The following IL4R variants were observed in gnomAD, a reference collection of about 807,000 sequenced individuals.
The protein encoded by IL4R is interleukin 4 receptor.
In IL4R, 17 loss-of-function variants were observed where a neutral mutation model predicts 41.5. The observed-to-expected ratio is 0.41, with a 90% confidence interval of 0.28 to 0.61. The LOEUF is 0.61. Ranked by LOEUF, IL4R falls within the 20% of genes least tolerant of loss-of-function variation. IL4R has a pLI of 0.31. For synonymous variants in IL4R, 402 were observed against 422.9 expected, an observed-to-expected ratio of 0.95 and a Z score of 0.61; for missense variants, 974 against 1,043.1, an observed-to-expected ratio of 0.93 and a Z score of 0.91.
chr16:27,346,993 C>G (rs775861582), intron 6 of IL4R, among the ~76,000 whole-genome samples: 1 of 152,182 alleles, frequency 6.6e-6, no homozygotes, highest in Admixed American at 6.5e-5. Context: ...GACAGTGACC[C>G]GTGTCAGTTC....
chr16:27,348,384 A>C (rs1045376929), intron 6 of IL4R, among the ~76,000 whole-genome samples: 2 of 152,220 alleles, frequency 1.3e-5, no homozygotes, highest in African/African-American at 4.8e-5. Flanking sequence ...GCTGGGGGGA[A>C]GAGAAAGGTA....
intron 10 of IL4R, 40 bp from the exon 11 acceptor site, chr16:27,362,212 A>G (rs749160645): frequency 1.3e-5 from 20 of 1,592,320 alleles, no homozygotes; most frequent in Non-Finnish European, 1.1e-5. Context: ...GAGTTTTTCA[A>G]GTGTCGAAAC....
intron 1 of IL4R, among the ~76,000 whole-genome samples, chr16:27,327,581 C>T (rs1479965447): frequency 1.3e-5 from 2 of 152,000 alleles, no homozygotes; most frequent in Non-Finnish European, 2.9e-5. Flanking sequence ...GGTCTCAGGC[C>T]AATGGGTCTC....
rs1280671113 is a variant in IL4R, at chr16:27,352,596, C to T, written c.570C>T (p.Thr190=). 1.9e-6 allele frequency: 3 copies of T among 1,614,162 alleles called. No homozygotes were observed. The highest frequency in any genetic ancestry group is 2.5e-6 in the Non-Finnish European group (3 of 1,180,016). ...LEPSLRIAAS[T]LKSGISYRAR... Reference sequence around the variant, plus strand: ...CCTCCCTCCGCATCGCAGCCAGCACCCTGAAGTCTGGGATTTCCTACAGGG... The same window carrying T: ...CCTCCCTCCGCATCGCAGCCAGCACTCTGAAGTCTGGGATTTCCTACAGGG... The change falls in exon 7 of 11, where the codon ACC becomes ACT. Residue 190 remains threonine (T), a synonymous_variant. Coordinates refer to ENST00000395762, the MANE Select transcript of IL4R (RefSeq NM_000418.4).
chr16:27,338,697 C>T (rs995041974), intron 2 of IL4R, among the ~76,000 whole-genome samples: 6 of 151,956 alleles, frequency 3.9e-5, no homozygotes, highest in South Asian at 2.1e-4. Context: ...CCCTCATGAA[C>T]GGGCTGAAGG....
At chr16:27,333,197 CTCTT>C (rs1029129779) in intron 2 of IL4R, among the ~76,000 whole-genome samples, 3 of 148,690 alleles carry the variant, frequency 2.0e-5, no homozygotes, top group African/African-American at 5.1e-5. Context: ...CCTCGGGTGA[CTCTT>C]TTTTTTTTTT....
intron 6 of IL4R, among the ~76,000 whole-genome samples, chr16:27,347,049 C>A (rs529003698): frequency 9.2e-5 from 14 of 152,332 alleles, no homozygotes; most frequent in Admixed American, 3.3e-4. Context: ...ATACAGCTGA[C>A]TCGTTTACTA....
At chr16:27,349,264 A>G (rs1490438342) in intron 6 of IL4R, among the ~76,000 whole-genome samples, 1 of 152,246 alleles carries the variant, frequency 6.6e-6, no homozygotes, top group Non-Finnish European at 1.5e-5. Flanking sequence ...ACCCGATGGC[A>G]TAAAAGCTGG....
intron 1 of IL4R, among the ~76,000 whole-genome samples, chr16:27,325,562 A>T (rs959084084): frequency 1.3e-5 from 2 of 151,234 alleles, no homozygotes; most frequent in Non-Finnish European, 1.5e-5. Context: ...CTACACAGTG[A>T]GACTCTGTCT....
At chr16:27,313,876 G>A (rs2141034182), upstream of IL4R, 1 of 978,100 alleles carries the variant, frequency 1.0e-6, no homozygotes, top group Non-Finnish European at 1.2e-6. Context: ...TCTGCCGGGC[G>A]CCGGGGCGGG....
At chr16:27,338,256 G>A (rs755945472) in intron 2 of IL4R, among the ~76,000 whole-genome samples, 1 of 150,942 alleles carries the variant, frequency 6.6e-6, no homozygotes, top group East Asian at 1.9e-4. Context: ...TTTTATGACA[G>A]GGTCTTGCTG....
intron 8 of IL4R, among the ~76,000 whole-genome samples, 171 bp from the exon 9 acceptor site, chr16:27,358,745 A>G (rs1489719742): frequency 2.0e-5 from 3 of 152,150 alleles, no homozygotes; most frequent in Admixed American, 2.0e-4. Flanking sequence ...AGGGTTAGCA[A>G]TAGAATCCAT....
At chr16:27,326,838 G>A (rs544325147) in intron 1 of IL4R, among the ~76,000 whole-genome samples, 32 of 152,244 alleles carry the variant, frequency 2.1e-4, no homozygotes, top group African/African-American at 7.5e-4. Context: ...GCTGGGCTGG[G>A]GACGGAGCCA....
Position 27,364,026 on chromosome 16 carries a change from T to C in IL4R, c.*196T>C, listed in dbSNP as rs942587808. 7.9e-6 allele frequency: 5 copies of C among 631,202 alleles called. No homozygotes were observed. The highest frequency in any genetic ancestry group is 7.4e-5 in the African/African-American group (4 of 54,328). 39.1% of individuals were successfully genotyped at this position (631,202 alleles called of 1,614,324 possible). ...GACTGGACCCCGCCCAGCATTGGGC[T>C]GGGCTCGCCACATCCCATGAGAGTA... On this transcript the variant is annotated 3_prime_UTR_variant, in exon 11 of 11. Coordinates refer to ENST00000395762, the MANE Select transcript of IL4R (RefSeq NM_000418.4).
chr16:27,354,606 G>A (rs1293407439), intron 7 of IL4R, among the ~76,000 whole-genome samples: 1 of 152,214 alleles, frequency 6.6e-6, no homozygotes, highest in African/African-American at 2.4e-5. Context: ...CAAGCCTTAG[G>A]GTGGGCATGG....
At position 27,362,285 on chromosome 16, in the gene IL4R, CT is replaced by C. The variant is rs765131298; in HGVS notation, c.934del (p.Cys312ValfsTer7). The C allele has an allele frequency of 6.2e-7, 1 of 1,614,150 alleles. No homozygotes were observed. On this transcript the variant is annotated frameshift_variant, in exon 11 of 11. Coordinates refer to ENST00000395762, the MANE Select transcript of IL4R (RefSeq NM_000418.4). LOFTEE classifies it low-confidence loss of function (END_TRUNC). Reference sequence around the variant, plus strand: ...AGAATTGTCTTACCAAGCTCTTGCCCTGTTTTCTGGAGCACAACATGAAAAG... The same window carrying C: ...AGAATTGTCTTACCAAGCTCTTGCCCGTTTTCTGGAGCACAACATGAAAAG... The part of the protein sequence containing the change: ...WKNCLTKLLP[C>X]FLEHNMKRDE...
At position 27,346,592 on chromosome 16, in the gene IL4R, A is replaced by G. The variant is rs1375064476; in HGVS notation, c.487A>G (p.Ile163Val). 2 of 1,612,546 alleles carry G rather than the reference A, an allele frequency of 1.2e-6. No individual in the cohort carries two copies. Among genetic ancestry groups the G allele is most frequent in the East Asian group, 2.2e-5 (1 of 44,678 alleles). ...LYNHLTYAVN[I>V]WSENDPADFR... ...TAATCATCTCACCTATGCAGTCAAC[A>G]TTTGGAGTGAAAACGACCCGGCAGA... The change falls in exon 6 of 11, where the codon ATT becomes GTT. Residue 163 changes from isoleucine to valine, a missense_variant. Ile to Val is a conservative substitution (Grantham distance 29, BLOSUM62 3). This residue lies in a region of IL4R where 284 missense variants were observed against 313.4 expected (regional missense o/e 0.91). Transcript: ENST00000395762.
In IL4R at chr16:27,363,023, T is replaced by G; in HGVS notation, c.1671T>G (p.Asn557Lys). The change falls in exon 11 of 11, where the codon AAT becomes AAG. Residue 557 changes from asparagine (N) to lysine (K), a missense_variant. Coordinates refer to ENST00000395762, the MANE Select transcript of IL4R (RefSeq NM_000418.4). Reference sequence around the variant, plus strand: ...CCTGGGAGCAGATCCTCCGCCGAAATGTCCTCCAGCATGGGGCAGCTGCAG... The same window carrying G: ...CCTGGGAGCAGATCCTCCGCCGAAAGGTCCTCCAGCATGGGGCAGCTGCAG... Reference protein sequence around the residue: ...PETWEQILRRNVLQHGAAAAP... With the variant: ...PETWEQILRRKVLQHGAAAAP... The G allele has an allele frequency of 6.2e-7, 1 of 1,614,116 alleles. No homozygotes were observed. Among genetic ancestry groups the G allele is most frequent in the Non-Finnish European group, 8.5e-7 (1 of 1,180,016 alleles).
At chr16:27,349,659 C>T (rs759893365) in intron 6 of IL4R, among the ~76,000 whole-genome samples, 1 of 152,212 alleles carries the variant, frequency 6.6e-6, no homozygotes, top group Non-Finnish European at 1.5e-5. Context: ...TGAATGCCTG[C>T]CTCATAATGG....
Sources: allele counts gnomAD v4.1 joint callset (sites outside exome capture counted in the v4.1 genomes callset), GRCh38; gene constraint gnomAD v4.1.1; regional missense constraint gnomAD v4.1.1; transcripts MANE v1.5; gene names NCBI Gene and HGNC (gene_info 2026-07-23, HGNC 2026-07-21).